Variants in WASF3 observed in about 807,000 individuals in gnomAD.
WASF3 encodes the protein WASP family member 3, also known as actin-binding protein WASF3.
Under a neutral mutation model 46.6 loss-of-function variants are expected in WASF3, and 11 were observed. The observed-to-expected ratio is 0.24, with a 90% CI of 0.15 to 0.39. The LOEUF (loss-of-function observed/expected upper bound fraction) is 0.39, where lower values mean the gene tolerates loss of function less well. Among genes scored for constraint, WASF3 ranks in the 10% least tolerant of loss-of-function variants. WASF3 has a pLI of 1.00. For missense variants in WASF3, 576 were observed against 669.8 expected (o/e 0.86, Z 1.55); for synonymous variants, 242 against 259.7 (o/e 0.93, Z 0.65).
rs138906685 is a variant in WASF3, at chr13:26,610,294, G to A, written c.-108-2667G>A. Reference sequence around the variant, plus strand: ...CCAGCCTTGTGAAGCTGTCCCTGCCGTTGCCCCTCCAGCTGTAGCCACCTT... The same window carrying A: ...CCAGCCTTGTGAAGCTGTCCCTGCCATTGCCCCTCCAGCTGTAGCCACCTT... On this transcript the variant is annotated intron_variant, in intron 1 of 9. Coordinates refer to ENST00000335327, the MANE Select transcript of WASF3 (RefSeq NM_006646.6). Among the ~76,000 whole-genome samples the A allele has an allele frequency of 1.8e-4, 28 of 152,262 alleles. No homozygotes were observed. The East Asian group carries it at 4.8e-3, about 26-fold the overall frequency.
chr13:26,608,924 C>A (rs144415188), intron 1 of WASF3, among the ~76,000 whole-genome samples: 3 of 151,910 alleles, frequency 2.0e-5, no homozygotes, highest in African/African-American at 7.3e-5. Context: ...GTGATCTCAT[C>A]GATAGAAGTG....
chr13:26,544,742 T>C, the WASF3 span, among the ~76,000 whole-genome samples: 22 of 152,182 alleles, frequency 1.4e-4, no homozygotes, highest in Non-Finnish European at 3.2e-4. Context: ...TCGGCTACCA[T>C]GAGGACTGCA....
chr13:26,684,585 A>G (rs73494725), intron 9 of WASF3, among the ~76,000 whole-genome samples: 5,406 of 152,262 alleles, frequency 0.036, 333 homozygotes, highest in African/African-American at 0.12. Flanking sequence ...TGTAGGATAG[A>G]TAGTAGTAGT....
intron 1 of WASF3, among the ~76,000 whole-genome samples, chr13:26,561,031 A>G (rs538570): frequency 0.038 from 5,726 of 152,160 alleles, 146 homozygotes; most frequent in South Asian, 0.067. Flanking sequence ...GAGGTGATGC[A>G]CTGGAGCAAC....
At chr13:26,568,421 C>T (rs371965427) in intron 1 of WASF3, among the ~76,000 whole-genome samples, 1 of 152,026 alleles carries the variant, frequency 6.6e-6, no homozygotes, top group Non-Finnish European at 1.5e-5. Flanking sequence ...AGCAAAGGTG[C>T]CCTGGGATGG....
the WASF3 span, among the ~76,000 whole-genome samples, chr13:26,541,722 A>T: frequency 6.6e-6 from 1 of 151,700 alleles, no homozygotes. Context: ...GGCTCAAGTG[A>T]TCCTCCCGCG....
intron 2 of WASF3, among the ~76,000 whole-genome samples, chr13:26,615,887 T>A (rs1222615455): frequency 6.6e-6 from 1 of 152,198 alleles, no homozygotes; most frequent in Non-Finnish European, 1.5e-5. Context: ...GTATGTAGTA[T>A]TTTCGTCTGG....
chr13:26,651,660 T>C (rs1882319668), intron 3 of WASF3, among the ~76,000 whole-genome samples: 1 of 152,224 alleles, frequency 6.6e-6, no homozygotes, highest in African/African-American at 2.4e-5. Context: ...TTTGGAAACC[T>C]GGATCTGCAA....
At chr13:26,681,684 T>C (rs543184284) in intron 8 of WASF3, among the ~76,000 whole-genome samples, 1 of 152,276 alleles carries the variant, frequency 6.6e-6, no homozygotes, top group South Asian at 2.1e-4. Flanking sequence ...AAAATTGTTA[T>C]CACAGACGAG....
At position 26,687,775 on chromosome 13, in the gene WASF3, C is replaced by T. The variant is rs1308693605; in HGVS notation, c.*1930C>T. 7.6e-6 allele frequency: 1 copy of T among 131,540 alleles called. No individual in the cohort carries two copies. The highest frequency in any genetic ancestry group is 7.9e-5 in the Admixed American group (1 of 12,620). 8.1% of individuals were successfully genotyped at this position (131,540 alleles called of 1,614,324 possible). A position where few individuals can be genotyped will look rare whatever the true frequency, so the allele number is the denominator to read the frequency against. On this transcript the variant is annotated 3_prime_UTR_variant, in exon 10 of 10. Coordinates refer to ENST00000335327, the MANE Select transcript of WASF3 (RefSeq NM_006646.6). ...AAGGGCCTACTACATTGGCGCTATT[C>T]TTAGGACTTCTGCAACTTTTAAAGT...
intron 1 of WASF3, among the ~76,000 whole-genome samples, chr13:26,582,659 C>G (rs1351657599): frequency 1.9e-5 from 2 of 107,180 alleles, no homozygotes; most frequent in African/African-American, 7.5e-5. Flanking sequence ...CCTGGGTGAC[C>G]GAGTGAGACT....
chr13:26,676,434 G>A (rs1341763069), intron 6 of WASF3, 115 bp from the exon 7 acceptor site: 6 of 1,130,754 alleles, frequency 5.3e-6, no homozygotes, highest in South Asian at 1.6e-5. Context: ...ATCGAAATGC[G>A]AATGTGTCTT....
At chr13:26,645,510 C>G (rs1882123659) in intron 3 of WASF3, among the ~76,000 whole-genome samples, 1 of 151,960 alleles carries the variant, frequency 6.6e-6, no homozygotes, top group Non-Finnish European at 1.5e-5. Context: ...TTTATTCATT[C>G]ATTCTTCTTT....
intron 4 of WASF3, among the ~76,000 whole-genome samples, chr13:26,666,124 C>A (rs9512319): frequency 0.29 from 43,829 of 151,964 alleles, 6,586 homozygotes; most frequent in South Asian, 0.39. Flanking sequence ...TAGTGAATTA[C>A]AAATATAACA....
chr13:26,654,012 T>C (rs1478978728), intron 3 of WASF3, among the ~76,000 whole-genome samples: 1 of 152,160 alleles, frequency 6.6e-6, no homozygotes, highest in Non-Finnish European at 1.5e-5. Flanking sequence ...TCCAGTCCAA[T>C]AGTGAAATGA....
intron 2 of WASF3, among the ~76,000 whole-genome samples, chr13:26,614,886 C>T (rs1276103652): frequency 6.6e-6 from 1 of 151,858 alleles, no homozygotes; most frequent in African/African-American, 2.4e-5. Flanking sequence ...CTTGCCACGC[C>T]ATCTGCTTGT....
intron 1 of WASF3, among the ~76,000 whole-genome samples, chr13:26,605,657 G>A (rs971606872): frequency 6.6e-6 from 1 of 152,160 alleles, no homozygotes; most frequent in Admixed American, 6.5e-5. Context: ...ATCCACAGGT[G>A]GCTGCCCGGG....
intron 1 of WASF3, among the ~76,000 whole-genome samples, chr13:26,581,424 T>A (rs1224062274): frequency 6.6e-6 from 1 of 151,776 alleles, no homozygotes; most frequent in Non-Finnish European, 1.5e-5. Flanking sequence ...ATCTGAGGAG[T>A]TAACCTAGGC....
chr13:26,540,156 A>C, the WASF3 span, among the ~76,000 whole-genome samples: 1 of 152,162 alleles, frequency 6.6e-6, no homozygotes, highest in Non-Finnish European at 1.5e-5. Context: ...ACTGACCATC[A>C]AACCTGGTTG....
Sources: allele counts gnomAD v4.1 joint callset (sites outside exome capture counted in the v4.1 genomes callset), GRCh38; gene constraint gnomAD v4.1.1; transcripts MANE v1.5; gene names NCBI Gene and HGNC (gene_info 2026-07-23, HGNC 2026-07-21).